Variants in NRXN2 observed in about 807,000 individuals in gnomAD.
NRXN2 encodes neurexin 2, also known as neurexin-2-beta.
A neutral mutation model predicts 128.8 loss-of-function variants in NRXN2; 29 were observed. The ratio of observed to expected loss-of-function variants is 0.23; its 90% confidence interval spans 0.17 to 0.31. The LOEUF is 0.31. Among genes scored for constraint, NRXN2 ranks in the 10% least tolerant of loss-of-function variants. The probability of loss-of-function intolerance (pLI) is 1.00; values close to 1 mark genes in which losing one functional copy is unlikely to be tolerated. For missense variants in NRXN2, 1,881 were observed against 2,452.6 expected (o/e 0.77, Z 4.92); for synonymous variants, 1,098 against 1,075.2 (o/e 1.02, Z -0.41).
intron 7 of NRXN2, among the ~76,000 whole-genome samples, chr11:64,670,643 G>A (rs1396681738): frequency 6.6e-6 from 1 of 152,122 alleles, no homozygotes; most frequent in African/African-American, 2.4e-5. Context: ...GCACCAGCCT[G>A]ACATGTCCCT....
chr11:64,641,047 G>A (rs1232706528), intron 17 of NRXN2, among the ~76,000 whole-genome samples: 1 of 152,146 alleles, frequency 6.6e-6, no homozygotes, highest in Non-Finnish European at 1.5e-5. Context: ...TGCAGACATG[G>A]GAGGCCACCT....
rs1432964734 is a variant in NRXN2, at chr11:64,660,806, C to T, written c.2132G>A (p.Arg711His). ...GGTCCCGATGCAGTCACAGATGAAG[C>T]GGTTCCAGCCTTCTCGACAGACGCC... ...NGGVCREGWN[R>H]FICDCIGTGF... The change falls in exon 10 of 23, where the codon CGC becomes CAC. Residue 711 changes from arginine to histidine, a missense_variant. Arg to His is a conservative substitution (Grantham distance 29, BLOSUM62 0). Coordinates refer to ENST00000265459, the MANE Select transcript of NRXN2 (RefSeq NM_015080.4). The surrounding 1 kb of genome is among the most constrained non-coding windows in gnomAD (Gnocchi z 5.2). 1 of 1,613,966 alleles carries T rather than the reference C, an allele frequency of 6.2e-7. No homozygotes were observed. Among genetic ancestry groups the T allele is most frequent in the Non-Finnish European group, 8.5e-7 (1 of 1,180,024 alleles).
At chr11:64,642,580 A>G in intron 17 of NRXN2, 2 of 1,610,888 alleles carry the variant, frequency 1.2e-6, no homozygotes, top group Non-Finnish European at 1.7e-6. Flanking sequence ...GTTGATGGCG[A>G]TGGGCACGGT....
intron 6 of NRXN2, among the ~76,000 whole-genome samples, chr11:64,678,370 G>A (rs575733683): frequency 6.6e-6 from 1 of 152,038 alleles, no homozygotes; most frequent in Non-Finnish European, 1.5e-5. Context: ...CTGGGCTGCT[G>A]TCCCTCCCAG....
At chr11:64,614,151 G>A (rs1217563689) in intron 22 of NRXN2, among the ~76,000 whole-genome samples, 1 of 152,164 alleles carries the variant, frequency 6.6e-6, no homozygotes, top group Non-Finnish European at 1.5e-5. Context: ...AGAGAGAAAA[G>A]TGAAAAAGGC....
At chr11:64,643,200 A>T in intron 17 of NRXN2, 1 of 977,576 alleles carries the variant, frequency 1.0e-6, no homozygotes, top group Non-Finnish European at 1.2e-6. Flanking sequence ...ATCCTGCGGA[A>T]AAACCGAGCT....
At chr11:64,690,085 G>A (rs1377131023) in intron 5 of NRXN2, among the ~76,000 whole-genome samples, 1 of 152,244 alleles carries the variant, frequency 6.6e-6, no homozygotes, top group Non-Finnish European at 1.5e-5. Flanking sequence ...TTGCCGTGCT[G>A]CCTGGTTGCC....
rs943081458 is a variant in NRXN2, at chr11:64,645,520, C to G, written c.3403+2699G>C. Among the ~76,000 whole-genome samples the G allele has an allele frequency of 4.6e-5, 7 of 152,196 alleles. No homozygotes were observed. The East Asian group carries it at 1.3e-3, about 29-fold the overall frequency. On this transcript the variant is annotated intron_variant, in intron 17 of 22. Transcript: ENST00000265459. ...GTAAGCAGGCCTGATGGGAACACCT[C>G]GGTCCCAAATCTCAGCCCTGGGAAG...
At chr11:64,687,303 G>A (rs2053192213) in intron 5 of NRXN2, among the ~76,000 whole-genome samples, 1 of 152,178 alleles carries the variant, frequency 6.6e-6, no homozygotes, top group Non-Finnish European at 1.5e-5. Context: ...TTGAGGCAGT[G>A]GGGTGGTGGC....
intron 5 of NRXN2, 78 bp from the exon 6 acceptor site, chr11:64,686,025 A>C: frequency 6.6e-7 from 1 of 1,525,348 alleles, no homozygotes; most frequent in Non-Finnish European, 9.0e-7. Flanking sequence ...CCCCTCCAGC[A>C]ACGCAGGCAC....
In NRXN2 at chr11:64,606,495, C is replaced by T. The variant is rs1218337698; in HGVS notation, c.*701G>A. ...AGCTTCCCCATCAATGCACGTCGCC[C>T]GGCGGCACACACAGAACAGGCCTTC... is the stretch of plus-strand genomic sequence containing the variant. On this transcript the variant is annotated 3_prime_UTR_variant, in exon 23 of 23. Transcript: ENST00000265459. 2 of 144,344 alleles carry T rather than the reference C, an allele frequency of 1.4e-5. No individual in the cohort carries two copies. Among genetic ancestry groups the T allele is most frequent in the East Asian group, 4.5e-4 (2 of 4,402 alleles). The allele number at this position is 144,344 out of a possible 1,614,324, so 8.9% of individuals were successfully genotyped here.
At position 64,650,603 on chromosome 11, in the gene NRXN2, G is replaced by T; in HGVS notation, c.2954C>A (p.Pro985Gln). The change falls in exon 15 of 23, where the codon CCG (proline) becomes CAG (glutamine). Residue 985 changes from proline to glutamine, a missense_variant. By Grantham distance (76) the Pro-to-Gln change is moderately conservative. Coordinates refer to ENST00000265459, the MANE Select transcript of NRXN2 (RefSeq NM_015080.4). The part of the protein sequence containing the change: ...IHYVFDLGNG[P>Q]SLMKGNSDKP... ...GTCTGAGTTCCCCTTCATCAAGGACGGGCCATTCCCCAGGTCAAACACGTA... is the reference window on the plus strand; with the variant it reads ...GTCTGAGTTCCCCTTCATCAAGGACTGGCCATTCCCCAGGTCAAACACGTA... 1 of 1,614,134 alleles carries T rather than the reference G, an allele frequency of 6.2e-7. No individual in the cohort carries two copies. Among genetic ancestry groups the T allele is most frequent in the Non-Finnish European group, 8.5e-7 (1 of 1,180,030 alleles).
intron 17 of NRXN2, chr11:64,643,364 G>T (rs902067969): frequency 4.6e-6 from 3 of 658,672 alleles, no homozygotes; most frequent in Non-Finnish European, 5.5e-6. Context: ...GCCGGGGGAG[G>T]GGGGGGCGGG....
At chr11:64,641,975 G>A (rs963935589) in intron 17 of NRXN2, among the ~76,000 whole-genome samples, 1 of 152,016 alleles carries the variant, frequency 6.6e-6, no homozygotes, top group Non-Finnish European at 1.5e-5. Context: ...GTTGCTAGAG[G>A]GATGGAGGTA....
chr11:64,716,649 C>G (rs1289101493), intron 1 of NRXN2, among the ~76,000 whole-genome samples: 1 of 152,130 alleles, frequency 6.6e-6, no homozygotes, highest in Non-Finnish European at 1.5e-5. Flanking sequence ...GAAGCAGGGT[C>G]TGGGCCTGCG....
At position 64,607,710 on chromosome 11, in the gene NRXN2, C is replaced by G. The variant is rs775380558; in HGVS notation, c.4625G>C (p.Gly1542Ala). Residue 1542 changes from glycine to alanine, a missense_variant, in exon 23 of 23, where the codon GGG (glycine) becomes GCG (alanine). This residue lies in a region of NRXN2 where 310 missense variants were observed against 318.2 expected (regional missense o/e 0.97). Transcript: ENST00000265459. ...CAGCACCCCAGGGGCGCCCGTGGCC[C>G]CATCTGTCCTGAGGTTGGGCCGGGG... ...PAPRPNLRTD[G>A]ATGAPGVLFA... 2 of 1,551,514 alleles carry G rather than the reference C, an allele frequency of 1.3e-6. No individual in the cohort carries two copies. The highest frequency in any genetic ancestry group is 1.7e-6 in the Non-Finnish European group (2 of 1,146,328).
chr11:64,634,268 TG>T (rs1452057766), intron 18 of NRXN2, among the ~76,000 whole-genome samples: 2 of 151,940 alleles, frequency 1.3e-5, no homozygotes, highest in Non-Finnish European at 2.9e-5. Context: ...GGAAACAAGG[TG>T]GCTGTTAGGG....
rs563766671 is a variant in NRXN2, at chr11:64,631,840, T to C, written c.3586-1267A>G. Among the ~76,000 whole-genome samples the C allele has an allele frequency of 2.0e-5, 3 of 152,244 alleles. No homozygotes were observed. Among genetic ancestry groups the C allele is most frequent in the South Asian group, 4.1e-4 (2 of 4,828 alleles). On this transcript the variant is annotated intron_variant, in intron 18 of 22. Transcript: ENST00000265459. The surrounding 1 kb of genome is among the most constrained non-coding windows in gnomAD (Gnocchi z 4.8). The stretch of plus-strand genomic sequence containing the variant: ...CCATTAGGTACTAAGCCTGAGCCCC[T>C]GTTTCACTTCCCTGCACCTCCCAGC...
chr11:64,721,862 C>T (rs1336202698), intron 1 of NRXN2, among the ~76,000 whole-genome samples: 1 of 152,018 alleles, frequency 6.6e-6, no homozygotes, highest in Admixed American at 6.5e-5. Flanking sequence ...AAGACCCACC[C>T]CCTAAAAATC....
Sources: allele counts gnomAD v4.1 joint callset (sites outside exome capture counted in the v4.1 genomes callset), GRCh38; gene constraint gnomAD v4.1.1; regional missense constraint gnomAD v4.1.1; non-coding constraint Gnocchi (gnomAD v3.1); transcripts MANE v1.5; gene names NCBI Gene and HGNC (gene_info 2026-07-23, HGNC 2026-07-21).